The following PHF3 variants were observed in gnomAD, a reference collection of about 807,000 sequenced individuals.
The protein encoded by PHF3 is PHD finger protein 3.
PHF3 carries 41 observed loss-of-function variants against 178.4 expected under a neutral mutation model. That is an observed-to-expected ratio of 0.23 (90% CI 0.18 to 0.30). The LOEUF (loss-of-function observed/expected upper bound fraction) is 0.30. PHF3 is among the 10% of genes least tolerant of loss of function. The pLI, the probability that PHF3 is intolerant of heterozygous loss-of-function variation, is 1.00. For synonymous variants in PHF3, 842 were observed against 800.5 expected, an observed-to-expected ratio of 1.05 and a Z score of -0.88; for missense variants, 2,346 against 2,398.1, an observed-to-expected ratio of 0.98 and a Z score of 0.45.
intron 2 of PHF3, among the ~76,000 whole-genome samples, chr6:63,663,411 C>T (rs1209179678): frequency 6.6e-6 from 1 of 152,068 alleles, no homozygotes; most frequent in Non-Finnish European, 1.5e-5. Flanking sequence ...GTGGCAGATC[C>T]TTGTTTTTTT....
chr6:63,699,799 C>T (rs1291151679), intron 8 of PHF3, among the ~76,000 whole-genome samples: 1 of 152,112 alleles, frequency 6.6e-6, no homozygotes, highest in Non-Finnish European at 1.5e-5. Flanking sequence ...CCATTTTGGC[C>T]AGGCTGGTCC....
In PHF3 at chr6:63,693,202, T is replaced by C. The variant is rs1767081376; in HGVS notation, c.2496+1159T>C. ...GTCTTTGGAAAACTTCTATTTATTA[T>C]TAACTAGTATTAATAATCACCTCTT... On this transcript the variant is annotated intron_variant, in intron 5 of 15. Transcript: ENST00000262043. Among the ~76,000 whole-genome samples the C allele has an allele frequency of 2.0e-5, 3 of 152,228 alleles. No individual in the cohort carries two copies. The South Asian group carries it at 6.2e-4, about 32-fold the overall frequency.
chr6:63,685,000 T>C lies in PHF3; in HGVS notation c.1278T>C (p.Thr426=). ...FNKSNLEVVD[T]STFGPESNIL... ...AATCAAACTTAGAGGTGGTTGATAC[T>C]AGTACTTTTGGACCGGAAAGTAATA... Residue 426 remains threonine (T), a synonymous_variant, in exon 4 of 16, where the codon ACT becomes ACC. Coordinates refer to ENST00000262043, the MANE Select transcript of PHF3 (RefSeq NM_001370348.2). 18 of 1,614,110 alleles carry C rather than the reference T, an allele frequency of 1.1e-5. No individual in the cohort carries two copies. Among genetic ancestry groups the C allele is most frequent in the Non-Finnish European group, 1.5e-5 (18 of 1,179,982 alleles).
intron 1 of PHF3, among the ~76,000 whole-genome samples, chr6:63,642,266 A>G (rs562007209): frequency 6.6e-6 from 1 of 152,324 alleles, no homozygotes; most frequent in African/African-American, 2.4e-5. Context: ...GATCCAGCTT[A>G]CACATCATCA....
chr6:63,667,215 G>A (rs72884655), intron 2 of PHF3, among the ~76,000 whole-genome samples: 1,736 of 152,250 alleles, frequency 0.011, 13 homozygotes, highest in Middle Eastern at 0.02. Context: ...AGGGTTGACT[G>A]TATATCCTTT....
At position 63,709,342 on chromosome 6, in the gene PHF3, G is replaced by C. The variant is rs1210002569; in HGVS notation, c.3801+102G>C. 8 of 778,416 alleles carry C rather than the reference G, an allele frequency of 1.0e-5. No individual in the cohort carries two copies. In the Admixed American group the frequency reaches 1.7e-4, roughly 17 times the overall value. 48.2% of individuals were successfully genotyped at this position (778,416 alleles called of 1,614,324 possible). A position where few individuals can be genotyped will look rare whatever the true frequency, so the allele number is the denominator to read the frequency against. On this transcript the variant is annotated intron_variant, in intron 14 of 15. Coordinates refer to ENST00000262043, the MANE Select transcript of PHF3 (RefSeq NM_001370348.2). ...GTGCAAAGTCTCCTGGGGAAAGGAG[G>C]CAATACACATTTTAAGTCTATGTAA...
intron 2 of PHF3, among the ~76,000 whole-genome samples, chr6:63,676,878 A>T (rs1028203362): frequency 1.7e-4 from 26 of 152,272 alleles, no homozygotes; most frequent in Admixed American, 9.1e-4. Context: ...GAGAGATGTG[A>T]TTTGGGAGTA....
chr6:63,696,224 A>G (rs1767222375), intron 6 of PHF3, among the ~76,000 whole-genome samples: 1 of 152,250 alleles, frequency 6.6e-6, no homozygotes, highest in Non-Finnish European at 1.5e-5. Flanking sequence ...GGGCATACTC[A>G]ACCTGTATTT....
intron 10 of PHF3, 63 bp from the exon 11 acceptor site, chr6:63,703,473 G>T: frequency 1.3e-6 from 2 of 1,486,908 alleles, no homozygotes; most frequent in South Asian, 2.5e-5. Context: ...AATATAAATT[G>T]ATTTTGATAA....
intron 2 of PHF3, among the ~76,000 whole-genome samples, chr6:63,670,837 A>G (rs1765883589): frequency 6.6e-6 from 1 of 152,190 alleles, no homozygotes; most frequent in Admixed American, 6.5e-5. Flanking sequence ...TATTTAGTGG[A>G]GCATATAGTA....
chr6:63,684,941 T>C lies in PHF3; in HGVS notation c.1219T>C (p.Ser407Pro), dbSNP rs1766613191. ...GTTGGGTTATTGTGAAGATGCGGAG[T>C]CTAATAGGCAGTTGGAGAGCACTGA... is the stretch of plus-strand genomic sequence containing the variant. ...EPLGYCEDAESNRQLESTEFN... is the reference protein window; with the variant it reads ...EPLGYCEDAEPNRQLESTEFN... The change falls in exon 4 of 16, where the codon TCT becomes CCT. Residue 407 changes from serine (S) to proline (P), a missense_variant. Transcript: ENST00000262043. 6.2e-7 allele frequency: 1 copy of C among 1,613,834 alleles called. No homozygotes were observed. The highest frequency in any genetic ancestry group is 1.7e-5 in the Admixed American group (1 of 59,992).
intron 4 of PHF3, among the ~76,000 whole-genome samples, chr6:63,689,519 C>G (rs116249213): frequency 6.6e-6 from 1 of 152,104 alleles, no homozygotes; most frequent in East Asian, 1.9e-4. Context: ...GTTTATGTGA[C>G]GTAGAATTCT....
At chr6:63,681,020 C>T (rs1766412877) in intron 3 of PHF3, among the ~76,000 whole-genome samples, 1 of 152,078 alleles carries the variant, frequency 6.6e-6, no homozygotes, top group South Asian at 2.1e-4. Flanking sequence ...GTGAGATACA[C>T]TTTTTAAACC....
chr6:63,698,738 A>C (rs958960065), intron 8 of PHF3, 133 bp downstream of exon 8: 3 of 580,340 alleles, frequency 5.2e-6, no homozygotes, highest in African/African-American at 3.8e-5. Flanking sequence ...TAGAACATGT[A>C]ATTTTAATAG....
chr6:63,712,509 A>T lies in PHF3; in HGVS notation c.4921A>T (p.Arg1641Trp). 6.2e-7 allele frequency: 1 copy of T among 1,613,952 alleles called. No individual in the cohort carries two copies. The highest frequency in any genetic ancestry group is 1.7e-5 in the Admixed American group (1 of 59,974). Residue 1641 changes from arginine (R) to tryptophan (W), a missense_variant, in exon 16 of 16, where the codon AGG becomes TGG. Physicochemically the swap from Arg to Trp is moderately radical, Grantham distance 101. This residue lies in a region of PHF3 where 839 missense variants were observed against 806.9 expected (regional missense o/e 1.04). Transcript: ENST00000262043. ...CSENLVANTA[R>W]SPQFINLKRD... ...TGAAAACCTTGTTGCTAATACAGCG[A>T]GGTCTCCACAGTTTATCAACCTGAA...
intron 1 of PHF3, among the ~76,000 whole-genome samples, chr6:63,640,113 A>G (rs571513784): frequency 1.5e-4 from 23 of 152,316 alleles, no homozygotes; most frequent in South Asian, 6.2e-4. Flanking sequence ...CTTGCTTTCT[A>G]TAATGATGTC....
intron 11 of PHF3, among the ~76,000 whole-genome samples, chr6:63,704,080 CTTTTTA>C (rs1266668039): frequency 1.3e-5 from 2 of 151,938 alleles, no homozygotes; most frequent in African/African-American, 4.8e-5. Flanking sequence ...TGTAAAAAAG[CTTTTTA>C]TTTTTAAGAG....
chr6:63,653,517 T>C (rs1171902138), intron 2 of PHF3, among the ~76,000 whole-genome samples: 1 of 152,184 alleles, frequency 6.6e-6, no homozygotes, highest in African/African-American at 2.4e-5. Context: ...GAAATGCTGC[T>C]GACTTTTGTA....
Position 63,713,085 on chromosome 6 carries a change from C to T in PHF3, c.5497C>T (p.Pro1833Ser), listed in dbSNP as rs1768033052. 4 of 1,614,060 alleles carry T rather than the reference C, an allele frequency of 2.5e-6. No homozygotes were observed. Among genetic ancestry groups the T allele is most frequent in the African/African-American group, 1.3e-5 (1 of 75,022 alleles). Residue 1833 changes from proline (P) to serine (S), a missense_variant, in exon 16 of 16, where the codon CCA becomes TCA. Around this residue, in one of 8 missense-constraint regions of PHF3, gnomAD observed 839 missense variants for 806.9 expected, o/e 1.04. Coordinates refer to ENST00000262043, the MANE Select transcript of PHF3 (RefSeq NM_001370348.2). ...CCCACAAAGCATGTTTGGATTTCCA[C>T]CACATTTGCCACCTCCATTACTTCC... ...FPPQSMFGFPPHLPPPLLPPP... is the reference protein window; with the variant it reads ...FPPQSMFGFPSHLPPPLLPPP...
Sources: allele counts gnomAD v4.1 joint callset (sites outside exome capture counted in the v4.1 genomes callset), GRCh38; gene constraint gnomAD v4.1.1; regional missense constraint gnomAD v4.1.1; transcripts MANE v1.5; gene names NCBI Gene and HGNC (gene_info 2026-07-23, HGNC 2026-07-21).